Variants in VTI1A observed in about 807,000 individuals in gnomAD.
VTI1A encodes the protein vesicle transport through interaction with t-SNAREs 1A.
VTI1A carries 22 observed loss-of-function variants against 34.9 expected under a neutral mutation model. The ratio of observed to expected loss-of-function variants is 0.63; its 90% CI spans 0.45 to 0.90. The LOEUF is 0.90. VTI1A is among the 40% of genes least tolerant of loss of function. The pLI is 0.00. For synonymous variants in VTI1A, 87 were observed against 97.3 expected, an observed-to-expected ratio of 0.89 and a Z score of 0.62; for missense variants, 268 against 275.6, an observed-to-expected ratio of 0.97 and a Z score of 0.20.
At chr10:112,478,650 A>G (rs1429855574) in intron 3 of VTI1A, among the ~76,000 whole-genome samples, 1 of 152,236 alleles carries the variant, frequency 6.6e-6, no homozygotes, top group Non-Finnish European at 1.5e-5. Context: ...TGTAGAAAAC[A>G]TCTTAGAAAT....
chr10:112,461,280 C>G (rs1429774406), intron 2 of VTI1A, among the ~76,000 whole-genome samples: 1 of 152,140 alleles, frequency 6.6e-6, no homozygotes, highest in African/African-American at 2.4e-5. Flanking sequence ...GTTGTTTGTC[C>G]CAGGGGGACA....
At chr10:112,509,182 A>C (rs1012702061) in intron 3 of VTI1A, among the ~76,000 whole-genome samples, 2 of 152,228 alleles carry the variant, frequency 1.3e-5, no homozygotes, top group East Asian at 3.8e-4. Context: ...TTTAATTCCT[A>C]GTATGTGCTA....
At position 112,511,285 on chromosome 10, in the gene VTI1A, C is replaced by T. The variant is rs1208254959; in HGVS notation, c.265-15802C>T. 4.6e-5 allele frequency among the ~76,000 whole-genome samples: 7 copies of T among 150,922 alleles called. No homozygotes were observed. The South Asian group carries it at 8.4e-4, about 18-fold the overall frequency. ...TCTTTTTCAGAGTCTTGCTCTGTCACCAGGCTGGAGTGCAGTGGCATGATC... is the reference window on the plus strand; with the variant it reads ...TCTTTTTCAGAGTCTTGCTCTGTCATCAGGCTGGAGTGCAGTGGCATGATC... On this transcript the variant is annotated intron_variant, in intron 3 of 7. Coordinates refer to ENST00000393077, the MANE Select transcript of VTI1A (RefSeq NM_145206.4).
the VTI1A span, among the ~76,000 whole-genome samples, chr10:112,845,686 GC>G: frequency 6.6e-6 from 1 of 152,136 alleles, no homozygotes; most frequent in Non-Finnish European, 1.5e-5. Flanking sequence ...CTCAGGACGA[GC>G]CCCAGGTTCT....
chr10:112,584,349 C>G (rs1368645680), intron 5 of VTI1A, among the ~76,000 whole-genome samples: 1 of 152,142 alleles, frequency 6.6e-6, no homozygotes, highest in Non-Finnish European at 1.5e-5. Flanking sequence ...CTTGTGAACT[C>G]TGGAAGTCAA....
chr10:112,447,566 C>G, intron 1 of VTI1A, 99 bp downstream of exon 1: 1 of 1,368,628 alleles, frequency 7.3e-7, no homozygotes, highest in Non-Finnish European at 1.0e-6. Flanking sequence ...AGGCGCGAGG[C>G]TGGAGTGGGT....
chr10:112,850,472 G>A, the VTI1A span, among the ~76,000 whole-genome samples: 117 of 152,058 alleles, frequency 7.7e-4, no homozygotes, highest in Admixed American at 1.8e-3. Flanking sequence ...AGGTCCACCT[G>A]ACACCCCATT....
intron 7 of VTI1A, chr10:112,736,823 T>A: frequency 8.2e-7 from 1 of 1,218,174 alleles, no homozygotes; most frequent in Non-Finnish European, 1.2e-6. Flanking sequence ...GTGCCTTCAA[T>A]GAGAAGCCTT....
At chr10:112,461,540 T>C (rs1227443798) in intron 2 of VTI1A, among the ~76,000 whole-genome samples, 3 of 152,210 alleles carry the variant, frequency 2.0e-5, no homozygotes, top group Admixed American at 1.3e-4. Context: ...TTGTTCCTAG[T>C]TTGCTAAACT....
At chr10:112,755,260 AAAAGAAAG>A (rs143000248) in intron 7 of VTI1A, among the ~76,000 whole-genome samples, 30,912 of 151,526 alleles carry the variant, frequency 0.2, 3,619 homozygotes, top group East Asian at 0.39. Flanking sequence ...TCTCAAAAAA[AAAAGAAAG>A]AAAGAAAGAA....
At chr10:112,723,958 G>A (rs900434891) in intron 7 of VTI1A, among the ~76,000 whole-genome samples, 3 of 152,182 alleles carry the variant, frequency 2.0e-5, no homozygotes, top group African/African-American at 7.2e-5. Flanking sequence ...ATTCCTAGCA[G>A]GAGCTCAAAG....
At chr10:112,806,330 G>A (rs1853077160) in intron 7 of VTI1A, among the ~76,000 whole-genome samples, 1 of 152,074 alleles carries the variant, frequency 6.6e-6, no homozygotes, top group Non-Finnish European at 1.5e-5. Flanking sequence ...CTGTCACCCA[G>A]GGTGGAGTGC....
chr10:112,538,443 GT>G (rs1232290040), intron 5 of VTI1A, 113 bp downstream of exon 5: 2 of 955,964 alleles, frequency 2.1e-6, no homozygotes, highest in Non-Finnish European at 1.6e-6. Context: ...CCGAGATGTG[GT>G]TTACATATTG....
intron 7 of VTI1A, among the ~76,000 whole-genome samples, chr10:112,719,819 T>C (rs1448815826): frequency 6.6e-6 from 1 of 152,204 alleles, no homozygotes; most frequent in East Asian, 1.9e-4. Context: ...GTGCTGCGAT[T>C]ACAGGCGTGA....
rs538900075 is a variant in VTI1A, at chr10:112,709,078, T to G, written c.560+40080T>G. Among the ~76,000 whole-genome samples, 159 of 152,272 alleles carry G rather than the reference T, an allele frequency of 1.0e-3. 1 individual carries two copies. The highest frequency in any genetic ancestry group is 3.7e-3 in the African/African-American group (155 of 41,564). ...AGGGGTACGTGTCCCCTTCCTCACCTCCATCCTGTTCCTGATTAGACCGCC... is the reference window on the plus strand; with the variant it reads ...AGGGGTACGTGTCCCCTTCCTCACCGCCATCCTGTTCCTGATTAGACCGCC... On this transcript the variant is annotated intron_variant, in intron 7 of 7. Coordinates refer to ENST00000393077, the MANE Select transcript of VTI1A (RefSeq NM_145206.4).
chr10:112,557,992 G>A (rs1360804051), intron 5 of VTI1A, among the ~76,000 whole-genome samples: 1 of 152,220 alleles, frequency 6.6e-6, no homozygotes, highest in East Asian at 1.9e-4. Flanking sequence ...GGCGTGGTTT[G>A]AAAGGGCTTC....
At chr10:112,610,638 C>T (rs1181905218) in intron 5 of VTI1A, among the ~76,000 whole-genome samples, 3 of 152,136 alleles carry the variant, frequency 2.0e-5, no homozygotes, top group Admixed American at 1.3e-4. Flanking sequence ...TACATTCGGC[C>T]GGGCGCGGTG....
chr10:112,776,824 C>T (rs1011018701), intron 7 of VTI1A, among the ~76,000 whole-genome samples: 7 of 151,900 alleles, frequency 4.6e-5, no homozygotes, highest in South Asian at 2.1e-4. Context: ...ACTACAAGTG[C>T]GCACCACCAC....
chr10:112,816,896 G>A lies in VTI1A; in HGVS notation c.*1513G>A, dbSNP rs914649796. The A allele has an allele frequency of 8.7e-6, 2 of 230,334 alleles. No individual in the cohort carries two copies. Among genetic ancestry groups the A allele is most frequent in the African/African-American group, 2.2e-5 (1 of 45,174 alleles). The allele number at this position is 230,334 out of a possible 1,614,324, so 14.3% of individuals were successfully genotyped here. A position where few individuals can be genotyped will look rare whatever the true frequency, so the allele number is the denominator to read the frequency against. On this transcript the variant is annotated 3_prime_UTR_variant, in exon 8 of 8. Coordinates refer to ENST00000393077, the MANE Select transcript of VTI1A (RefSeq NM_145206.4). ...ATCCACCAGAGAAATTGCACTTATC[G>A]AAACAGGCCAAGGCCTGCATGTGTT...
Sources: gnomAD v4.1 joint callset for allele counts (sites outside exome capture counted in the v4.1 genomes callset) on GRCh38, gnomAD v4.1.1 for gene constraint, MANE v1.5 for transcripts, NCBI Gene and HGNC (gene_info 2026-07-23, HGNC 2026-07-21) for gene names.